The following PREX1 variants were observed in gnomAD, a reference collection of about 807,000 sequenced individuals.
PREX1 encodes phosphatidylinositol 3,4,5-trisphosphate-dependent Rac exchanger 1 protein.
A neutral mutation model predicts 198.3 loss-of-function variants in PREX1; 41 were observed. That is an observed-to-expected ratio of 0.21 (90% CI 0.16 to 0.27). The LOEUF is 0.27. PREX1 is among the 10% of genes least tolerant of loss of function. The pLI is 1.00. For missense variants in PREX1, 1,620 were observed against 2,200.7 expected (o/e 0.74, Z 5.28); for synonymous variants, 843 against 887.2 (o/e 0.95, Z 0.89).
chr20:48,841,978 A>T, the PREX1 span, among the ~76,000 whole-genome samples: 1 of 152,164 alleles, frequency 6.6e-6, no homozygotes, highest in Non-Finnish European at 1.5e-5. Context: ...TATTTGTCCC[A>T]GCAGAAATGT....
chr20:48,666,197 C>T lies in PREX1; in HGVS notation c.1738+86G>A. ...CCCGGGGGTCTAGAGAGCCACAGAC[C>T]TGGCTTCAGTCCTCCCATACTCCCC... On this transcript the variant is annotated intron_variant, in intron 15 of 39. Coordinates refer to ENST00000371941, the MANE Select transcript of PREX1 (RefSeq NM_020820.4). The surrounding 1 kb of genome is among the most constrained non-coding windows in gnomAD (Gnocchi z 4.3). The T allele has an allele frequency of 7.3e-7, 1 of 1,372,566 alleles. No homozygotes were observed. The highest frequency in any genetic ancestry group is 2.0e-5 in the Admixed American group (1 of 50,282). 85.0% of individuals were successfully genotyped at this position (1,372,566 alleles called of 1,614,324 possible). A position where few individuals can be genotyped will look rare whatever the true frequency, so the allele number is the denominator to read the frequency against.
chr20:48,813,007 C>T (rs1010441346), intron 1 of PREX1, among the ~76,000 whole-genome samples: 7 of 152,192 alleles, frequency 4.6e-5, no homozygotes, highest in African/African-American at 1.7e-4. Flanking sequence ...CTAAAATGAG[C>T]GCAGTAACTG....
upstream of PREX1, among the ~76,000 whole-genome samples, chr20:48,830,680 C>G (rs6095322): frequency 6.6e-6 from 1 of 152,208 alleles, no homozygotes; most frequent in Non-Finnish European, 1.5e-5. Context: ...TCTTTTTCCC[C>G]TTCCATCCCC....
At chr20:48,657,611 G>A (rs1412842924) in intron 17 of PREX1, among the ~76,000 whole-genome samples, 1 of 152,168 alleles carries the variant, frequency 6.6e-6, no homozygotes, top group Non-Finnish European at 1.5e-5. Context: ...TCCGGCCATG[G>A]GTATGTCGCT....
At chr20:48,873,648 A>C in the PREX1 span, among the ~76,000 whole-genome samples, 1 of 151,626 alleles carries the variant, frequency 6.6e-6, no homozygotes, top group Non-Finnish European at 1.5e-5. Context: ...TGAACCCTGG[A>C]GGTGGAGGTT....
rs142923777 is a variant in PREX1 at position 48,757,461 on chromosome 20, G to A, written c.220-9581C>T. Among the ~76,000 whole-genome samples, 551 of 152,350 alleles carry A rather than the reference G, an allele frequency of 3.6e-3. 4 individuals carry two copies. The highest frequency in any genetic ancestry group is 5.1e-3 in the Non-Finnish European group (345 of 68,038). The stretch of plus-strand genomic sequence containing the variant: ...TAACAATCCCACAAGGTGGGCTACT[G>A]CATCCCCTTTTTAGGAAAGAGGAAA... On this transcript the variant is annotated intron_variant, in intron 1 of 39. Transcript: ENST00000371941.
chr20:48,700,674 G>C, intron 7 of PREX1, 79 bp downstream of exon 7: 1 of 1,551,758 alleles, frequency 6.4e-7, no homozygotes, highest in Non-Finnish European at 8.9e-7. Flanking sequence ...GGGAGGCCCA[G>C]AGAGGGAAGT....
the PREX1 span, among the ~76,000 whole-genome samples, chr20:48,840,922 C>T: frequency 6.6e-6 from 1 of 151,924 alleles, no homozygotes; most frequent in Admixed American, 6.6e-5. Flanking sequence ...CTCCTGGGCT[C>T]AAATGATCCT....
At chr20:48,690,248 G>A (rs981067123) in intron 9 of PREX1, among the ~76,000 whole-genome samples, 6 of 152,158 alleles carry the variant, frequency 3.9e-5, no homozygotes, top group African/African-American at 1.4e-4. Context: ...ACTGGGAGGT[G>A]GGGAGGGTTT....
the PREX1 span, among the ~76,000 whole-genome samples, chr20:48,842,157 A>G: frequency 3.9e-5 from 6 of 152,140 alleles, no homozygotes; most frequent in Non-Finnish European, 8.8e-5. Flanking sequence ...CCCCATGCCT[A>G]TCAGCATGAA....
At chr20:48,840,319 C>T in the PREX1 span, among the ~76,000 whole-genome samples, 18,089 of 144,208 alleles carry the variant, frequency 0.13, 1,178 homozygotes, top group Middle Eastern at 0.21. Context: ...CTGACCACGA[C>T]GGCAAGTATT....
intron 14 of PREX1, among the ~76,000 whole-genome samples, chr20:48,668,124 C>T (rs532882397): frequency 6.0e-4 from 92 of 152,180 alleles, no homozygotes; most frequent in African/African-American, 2.1e-3. Flanking sequence ...ACACTCAATA[C>T]GTCCCGGCCA....
At chr20:48,714,076 A>C (rs551554063) in intron 5 of PREX1, among the ~76,000 whole-genome samples, 1 of 152,224 alleles carries the variant, frequency 6.6e-6, no homozygotes, top group Non-Finnish European at 1.5e-5. Context: ...GCCACACACA[A>C]AAATGGACTC....
intron 27 of PREX1, 131 bp from the exon 28 acceptor site, chr20:48,642,620 G>A (rs1489162581): frequency 5.1e-6 from 4 of 790,656 alleles, no homozygotes; most frequent in Non-Finnish European, 7.9e-6. Context: ...TGAAGACCAG[G>A]TCCTGGCTGT....
intron 15 of PREX1, among the ~76,000 whole-genome samples, chr20:48,664,535 G>A (rs2089621472): frequency 1.3e-5 from 2 of 152,186 alleles, no homozygotes; most frequent in Admixed American, 6.5e-5. Context: ...ACCCTGGCAA[G>A]GGAAACTGCA....
intron 1 of PREX1, among the ~76,000 whole-genome samples, chr20:48,764,126 G>C (rs2090197214): frequency 6.6e-6 from 1 of 152,066 alleles, no homozygotes; most frequent in African/African-American, 2.4e-5. Context: ...CTAGTGATGG[G>C]GCCACATCAT....
At chr20:48,866,035 A>G in the PREX1 span, among the ~76,000 whole-genome samples, 1 of 151,618 alleles carries the variant, frequency 6.6e-6, no homozygotes, top group Non-Finnish European at 1.5e-5. Context: ...TAAAGCCTCA[A>G]CTTCCTCGGC....
chr20:48,700,636 T>A, intron 7 of PREX1, 117 bp downstream of exon 7: 2 of 1,391,576 alleles, frequency 1.4e-6, no homozygotes, highest in East Asian at 2.3e-5. Context: ...AGCACTGATG[T>A]AGAACAAACC....
chr20:48,698,174 A>G (rs1178325771), intron 7 of PREX1, among the ~76,000 whole-genome samples: 1 of 152,130 alleles, frequency 6.6e-6, no homozygotes, highest in African/African-American at 2.4e-5. Flanking sequence ...TGAGGTGGGG[A>G]ATGGCCTTGA....
Sources: allele counts gnomAD v4.1 joint callset (sites outside exome capture counted in the v4.1 genomes callset), GRCh38; gene constraint gnomAD v4.1.1; non-coding constraint Gnocchi (gnomAD v3.1); transcripts MANE v1.5; gene names NCBI Gene and HGNC (gene_info 2026-07-23, HGNC 2026-07-21).